Variants in CADM2 observed in about 807,000 individuals in gnomAD.
CADM2 encodes immunoglobulin superfamily member 4D.
CADM2 carries 12 observed loss-of-function variants against 49.8 expected under a neutral mutation model. The ratio of observed to expected loss-of-function variants is 0.24; its 90% CI spans 0.15 to 0.39. The LOEUF (loss-of-function observed/expected upper bound fraction) is 0.39. Ranked by LOEUF, CADM2 falls within the 10% of genes least tolerant of loss-of-function variation. The pLI is 1.00. For synonymous variants in CADM2, 214 were observed against 175.4 expected (o/e 1.22, Z -1.74); for missense variants, 378 against 492.3 (o/e 0.77, Z 2.20).
intron 5 of CADM2, among the ~76,000 whole-genome samples, chr3:85,889,084 T>C (rs1714067811): frequency 6.6e-6 from 1 of 152,200 alleles, no homozygotes; most frequent in South Asian, 2.1e-4. Context: ...TTAGTGAAGA[T>C]GCAAATGAGA....
At chr3:85,698,398 T>C (rs1204313458) in intron 1 of CADM2, among the ~76,000 whole-genome samples, 2 of 151,838 alleles carry the variant, frequency 1.3e-5, no homozygotes, top group Non-Finnish European at 3.0e-5. Context: ...GTTAGTCCAC[T>C]TTTTTCATTG....
chr3:86,025,162 T>C (rs1733733266), intron 8 of CADM2, among the ~76,000 whole-genome samples: 1 of 151,954 alleles, frequency 6.6e-6, no homozygotes, highest in Admixed American at 6.6e-5. Context: ...TTCAAGTGAT[T>C]CTCCTGCCTC....
At chr3:85,439,339 G>A (rs1389645545) in intron 1 of CADM2, among the ~76,000 whole-genome samples, 1 of 151,506 alleles carries the variant, frequency 6.6e-6, no homozygotes, top group Non-Finnish European at 1.5e-5. Flanking sequence ...TTTTACTAGA[G>A]ATGGGGTTTC....
At chr3:85,114,517 C>T (rs780618988) in intron 1 of CADM2, among the ~76,000 whole-genome samples, 2 of 152,160 alleles carry the variant, frequency 1.3e-5, no homozygotes, top group South Asian at 4.1e-4. Flanking sequence ...TTAACATGCC[C>T]AGACATGGCT....
intron 1 of CADM2, among the ~76,000 whole-genome samples, chr3:85,239,245 G>A (rs2042475875): frequency 6.6e-6 from 1 of 151,806 alleles, no homozygotes; most frequent in African/African-American, 2.4e-5. Flanking sequence ...AAATTAGGGT[G>A]CTTCACACTT....
chr3:85,782,707 G>T (rs987467586), intron 2 of CADM2, among the ~76,000 whole-genome samples: 3 of 150,886 alleles, frequency 2.0e-5, no homozygotes, highest in South Asian at 2.1e-4. Context: ...CATTTCTTTC[G>T]AATCTTTCTT....
intron 1 of CADM2, among the ~76,000 whole-genome samples, chr3:84,979,022 G>T (rs2107127104): frequency 6.6e-6 from 1 of 152,250 alleles, no homozygotes; most frequent in East Asian, 1.9e-4. Flanking sequence ...CGGGGAAACA[G>T]CTCATCTCTC....
At chr3:85,779,980 G>A (rs571716106) in intron 2 of CADM2, among the ~76,000 whole-genome samples, 1 of 151,910 alleles carries the variant, frequency 6.6e-6, no homozygotes, top group South Asian at 2.1e-4. Context: ...AACATCTAGT[G>A]GTCCAATTGG....
chr3:85,900,530 CA>C (rs1715974280), intron 5 of CADM2, among the ~76,000 whole-genome samples: 1 of 152,224 alleles, frequency 6.6e-6, no homozygotes, highest in Admixed American at 6.5e-5. Flanking sequence ...TACATAAAAA[CA>C]TTTTTTTTAA....
At chr3:85,274,697 AC>A (rs1335400132) in intron 1 of CADM2, among the ~76,000 whole-genome samples, 2 of 151,546 alleles carry the variant, frequency 1.3e-5, no homozygotes, top group Non-Finnish European at 3.0e-5. Flanking sequence ...ATAAATAGTT[AC>A]AGAAATAGCT....
At chr3:85,728,661 T>G (rs1001423016) in intron 2 of CADM2, among the ~76,000 whole-genome samples, 1 of 152,188 alleles carries the variant, frequency 6.6e-6, no homozygotes, top group African/African-American at 2.4e-5. Context: ...CGAGAGAAAT[T>G]TTAAAGAAGA....
At chr3:85,382,616 TATA>T (rs1217378416) in intron 1 of CADM2, among the ~76,000 whole-genome samples, 1 of 152,186 alleles carries the variant, frequency 6.6e-6, no homozygotes, top group Admixed American at 6.5e-5. Flanking sequence ...TTTGATTAGA[TATA>T]ATATTTTCTT....
At chr3:86,014,522 T>C in intron 8 of CADM2, 1 of 1,567,498 alleles carries the variant, frequency 6.4e-7, no homozygotes, top group Non-Finnish European at 8.7e-7. Context: ...TTCACCAAGG[T>C]AACTTGGAAT....
intron 2 of CADM2, among the ~76,000 whole-genome samples, chr3:85,781,505 A>G (rs1386476160): frequency 2.0e-5 from 3 of 152,154 alleles, no homozygotes; most frequent in Non-Finnish European, 2.9e-5. Context: ...TTTGTTACCT[A>G]AAGTCTTCTG....
intron 1 of CADM2, among the ~76,000 whole-genome samples, chr3:85,092,750 C>T (rs542924151): frequency 4.1e-4 from 63 of 152,226 alleles, no homozygotes; most frequent in African/African-American, 1.4e-3. Flanking sequence ...TCCACCACCG[C>T]CACCACCTCA....
intron 8 of CADM2, among the ~76,000 whole-genome samples, chr3:86,056,846 G>A (rs897760557): frequency 6.6e-6 from 1 of 152,156 alleles, no homozygotes; most frequent in Non-Finnish European, 1.5e-5. Context: ...AACATGTGGG[G>A]CCATTTGTTT....
intron 1 of CADM2, among the ~76,000 whole-genome samples, chr3:85,363,321 T>C (rs1333993282): frequency 6.6e-6 from 1 of 152,186 alleles, no homozygotes; most frequent in Admixed American, 6.5e-5. Flanking sequence ...AGGTCATTTT[T>C]ATATTGAAAA....
intron 3 of CADM2, among the ~76,000 whole-genome samples, chr3:85,878,859 T>C (rs1025646603): frequency 6.6e-6 from 1 of 152,078 alleles, no homozygotes; most frequent in Non-Finnish European, 1.5e-5. Flanking sequence ...GTAAGCTCTG[T>C]CTGTGTCAGT....
intron 1 of CADM2, among the ~76,000 whole-genome samples, chr3:85,428,764 G>A (rs900051256): frequency 6.7e-5 from 10 of 149,880 alleles, no homozygotes; most frequent in African/African-American, 2.4e-4. Flanking sequence ...TTAATTGAAA[G>A]GCATTTACGT....
Sources: allele counts gnomAD v4.1 joint callset (sites outside exome capture counted in the v4.1 genomes callset), GRCh38; gene constraint gnomAD v4.1.1; transcripts MANE v1.5; gene names NCBI Gene and HGNC (gene_info 2026-07-23, HGNC 2026-07-21).